DGKD: variants seen among roughly 807,000 people sequenced by gnomAD.
DGKD encodes diacylglycerol kinase delta.
A neutral mutation model predicts 154.4 loss-of-function variants in DGKD; 68 were observed. The ratio of observed to expected loss-of-function variants is 0.44; its 90% confidence interval spans 0.36 to 0.54. The LOEUF (loss-of-function observed/expected upper bound fraction) is 0.54, where lower values mean the gene tolerates loss of function less well. DGKD is among the 20% of genes least tolerant of loss of function. The probability of loss-of-function intolerance (pLI) is 0.00; values close to 1 mark genes in which losing one functional copy is unlikely to be tolerated. For synonymous variants in DGKD, 693 were observed against 638.0 expected (o/e 1.09, Z -1.30); for missense variants, 1,343 against 1,593.6 (o/e 0.84, Z 2.68).
chr2:233,447,556 G>A (rs975313922), intron 12 of DGKD: 2 of 985,510 alleles, frequency 2.0e-6, no homozygotes, highest in African/African-American at 1.7e-5. Context: ...AGTGTGTGGG[G>A]GAAGCCCAGA....
chr2:233,461,280 G>A (rs1340332515), intron 24 of DGKD, among the ~76,000 whole-genome samples: 5 of 152,194 alleles, frequency 3.3e-5, no homozygotes, highest in African/African-American at 1.2e-4. Flanking sequence ...TGTTTCCCCT[G>A]GGCTCCTTCT....
intron 3 of DGKD, among the ~76,000 whole-genome samples, chr2:233,407,580 G>A (rs1236610136): frequency 2.0e-5 from 3 of 151,988 alleles, no homozygotes; most frequent in Non-Finnish European, 4.4e-5. Context: ...AGCCTGGGCA[G>A]CATAACAAGA....
intron 3 of DGKD, among the ~76,000 whole-genome samples, chr2:233,402,037 T>TCC (rs2061573706): frequency 6.8e-6 from 1 of 147,288 alleles, no homozygotes; most frequent in African/African-American, 2.5e-5. Context: ...GCCTGGCCTC[T>TCC]CCCCAGCCAA....
In DGKD at chr2:233,436,300, C is replaced by T. The variant is rs2125594148; in HGVS notation, c.694-16C>T. 2 of 1,614,078 alleles carry T rather than the reference C, an allele frequency of 1.2e-6. No individual in the cohort carries two copies. Among genetic ancestry groups the T allele is most frequent in the Non-Finnish European group, 1.7e-6 (2 of 1,180,002 alleles). ...CCTTGGGAGCGTCCCTAGTGCGTGC[C>T]TCTGTTTGGTTGCAGATTGCAATGC... On this transcript the variant is annotated splice_polypyrimidine_tract_variant and intron_variant, in intron 6 of 29. Transcript: ENST00000264057.
At position 233,450,088 on chromosome 2, in the gene DGKD, C is replaced by T; in HGVS notation, c.1995C>T (p.His665=). ...MDHRVCPPLS[H]SESFGVPKGR... is the part of the protein sequence containing the mutation. Reference sequence around the variant, plus strand: ...ACAGAGTGTGCCCACCACTGTCCCACAGCGAGAGCTTCGGGGTCCCCAAGG... The same window carrying T: ...ACAGAGTGTGCCCACCACTGTCCCATAGCGAGAGCTTCGGGGTCCCCAAGG... Residue 665 remains histidine, a synonymous_variant, in exon 16 of 30, where the codon CAC becomes CAT. Transcript: ENST00000264057. 6.2e-7 allele frequency: 1 copy of T among 1,613,898 alleles called. No individual in the cohort carries two copies. Among genetic ancestry groups the T allele is most frequent in the South Asian group, 1.1e-5 (1 of 91,066 alleles).
At chr2:233,444,601 C>T (rs932860020) in intron 10 of DGKD, among the ~76,000 whole-genome samples, 5 of 148,966 alleles carry the variant, frequency 3.4e-5, no homozygotes, top group African/African-American at 7.5e-5. Context: ...GAAGCCCTCG[C>T]GGAGTCCTCA....
intron 3 of DGKD, among the ~76,000 whole-genome samples, chr2:233,411,481 GTA>G (rs746295642): frequency 2.6e-5 from 4 of 152,122 alleles, no homozygotes; most frequent in Admixed American, 6.5e-5. Context: ...TTGGTCATTT[GTA>G]TGTCTTTTGT....
At chr2:233,419,440 A>G (rs1030067377) in intron 3 of DGKD, 5 of 985,698 alleles carry the variant, frequency 5.1e-6, no homozygotes, top group Non-Finnish European at 6.0e-6. Flanking sequence ...CCCAGGGGAC[A>G]GTGTGCCATC....
At position 233,468,356 on chromosome 2, in the gene DGKD, C is replaced by T; in HGVS notation, c.3425-67C>T. The T allele has an allele frequency of 1.9e-6, 3 of 1,585,052 alleles. No individual in the cohort carries two copies. In the South Asian group the frequency reaches 3.4e-5, roughly 18 times the overall value. ...CACTGGGCTCTCGGGTGCTGGGTGC[C>T]AGCTGCTGCCTACCTTGCACTGGGC... On this transcript the variant is annotated intron_variant, in intron 28 of 29. Coordinates refer to ENST00000264057, the MANE Select transcript of DGKD (RefSeq NM_152879.3).
At chr2:233,364,722 G>A (rs1035906591) in intron 1 of DGKD, among the ~76,000 whole-genome samples, 21 of 152,086 alleles carry the variant, frequency 1.4e-4, no homozygotes, top group Admixed American at 1.2e-3. Context: ...TGAACAATTG[G>A]GACAAAGAGA....
At chr2:233,390,194 C>T (rs1458583682) in intron 2 of DGKD, among the ~76,000 whole-genome samples, 5 of 152,072 alleles carry the variant, frequency 3.3e-5, no homozygotes, top group East Asian at 1.9e-4. Context: ...AAAATCATGG[C>T]ACTATACCTG....
chr2:233,433,233 T>C (rs908815357), intron 3 of DGKD, among the ~76,000 whole-genome samples: 1 of 152,212 alleles, frequency 6.6e-6, no homozygotes, highest in Non-Finnish European at 1.5e-5. Flanking sequence ...AATGTACATA[T>C]ACACATGGAG....
In DGKD at chr2:233,463,507, G is replaced by C. The variant is rs112659959; in HGVS notation, c.3187-657G>C. Among the ~76,000 whole-genome samples, 218 of 49,206 alleles carry C rather than the reference G, an allele frequency of 4.4e-3. 4 individuals are homozygous for C. The highest frequency in any genetic ancestry group is 0.025 in the East Asian group (50 of 2,022). 32.3% of individuals were successfully genotyped at this position (49,206 alleles called of 152,430 possible). A position where few individuals can be genotyped will look rare whatever the true frequency, so the allele number is the denominator to read the frequency against. On this transcript the variant is annotated intron_variant, in intron 26 of 29. Coordinates refer to ENST00000264057, the MANE Select transcript of DGKD (RefSeq NM_152879.3). ...TCCTCACTGCACGCATGTCCTCACTGCACGCATGTCCTCACTCCACGCATC... is the reference window on the plus strand; with the variant it reads ...TCCTCACTGCACGCATGTCCTCACTCCACGCATGTCCTCACTCCACGCATC...
At chr2:233,355,320 A>G (rs921822921) in intron 1 of DGKD, among the ~76,000 whole-genome samples, 1 of 152,206 alleles carries the variant, frequency 6.6e-6, no homozygotes, top group Non-Finnish European at 1.5e-5. Context: ...TAAATGTTAG[A>G]TAAAGACGCA....
chr2:233,447,526 A>ATT, intron 12 of DGKD: 2 of 976,396 alleles, frequency 2.0e-6, no homozygotes, highest in Non-Finnish European at 2.4e-6. Flanking sequence ...TTAAAAAAAA[A>ATT]TTTTTTTTTT....
intron 3 of DGKD, among the ~76,000 whole-genome samples, chr2:233,427,337 C>CT (rs35153949): frequency 0.023 from 1,939 of 83,740 alleles, 69 homozygotes; most frequent in Admixed American, 0.071. Context: ...TATTGCCCTG[C>CT]TTTTTTTTTT....
At chr2:233,433,532 G>T (rs1225063175) in intron 3 of DGKD, among the ~76,000 whole-genome samples, 1 of 151,956 alleles carries the variant, frequency 6.6e-6, no homozygotes, top group Non-Finnish European at 1.5e-5. Flanking sequence ...AGCACAACGG[G>T]GTGACAACAG....
Position 233,445,896 on chromosome 2 carries a change from T to G in DGKD, c.1334+134T>G. On this transcript the variant is annotated intron_variant, in intron 11 of 29. Coordinates refer to ENST00000264057, the MANE Select transcript of DGKD (RefSeq NM_152879.3). The surrounding 1 kb of genome is among the most constrained non-coding windows in gnomAD (Gnocchi z 5.5). ...TATTTGTAAAGATTTGACCTGAGTATATATTCGGATAGTCTTTGATATTTG... is the reference window on the plus strand; with the variant it reads ...TATTTGTAAAGATTTGACCTGAGTAGATATTCGGATAGTCTTTGATATTTG... 2.8e-5 allele frequency: 30 copies of G among 1,068,700 alleles called. No homozygotes were observed. The highest frequency in any genetic ancestry group is 3.7e-5 in the Non-Finnish European group (29 of 774,566). 66.2% of individuals were successfully genotyped at this position (1,068,700 alleles called of 1,614,324 possible).
intron 12 of DGKD, 131 bp from the exon 13 acceptor site, chr2:233,447,956 C>T: frequency 6.6e-7 from 1 of 1,515,994 alleles, no homozygotes; most frequent in Non-Finnish European, 8.8e-7. Context: ...CTGGGTCAGA[C>T]AGTGTCTGTT....
Sources: gnomAD v4.1 joint callset for allele counts (sites outside exome capture counted in the v4.1 genomes callset) on GRCh38, gnomAD v4.1.1 for gene constraint, Gnocchi (gnomAD v3.1) non-coding constraint, MANE v1.5 for transcripts, NCBI Gene and HGNC (gene_info 2026-07-23, HGNC 2026-07-21) for gene names.